The following MAF variants were observed in gnomAD, a reference collection of about 807,000 sequenced individuals.
The protein encoded by MAF is MAF bZIP transcription factor, also known as transcription factor Maf.
A neutral mutation model predicts 22.0 loss-of-function variants in MAF; 10 were observed. That is an observed-to-expected ratio of 0.45 (90% CI 0.28 to 0.77). MAF has a LOEUF of 0.77. Ranked by LOEUF, MAF falls within the 30% of genes least tolerant of loss-of-function variation. MAF has a pLI of 0.12. For missense variants in MAF, 544 were observed against 548.4 expected, an observed-to-expected ratio of 0.99 and a Z score of 0.08; for synonymous variants, 337 against 255.8, an observed-to-expected ratio of 1.32 and a Z score of -3.03.
the MAF span, among the ~76,000 whole-genome samples, chr16:79,328,455 G>C: frequency 6.6e-6 from 1 of 152,156 alleles, no homozygotes; most frequent in Non-Finnish European, 1.5e-5. Flanking sequence ...GGAAACAATG[G>C]AAGTCACAGG....
At chr16:79,247,697 C>T in the MAF span, among the ~76,000 whole-genome samples, 1 of 152,160 alleles carries the variant, frequency 6.6e-6, no homozygotes, top group Non-Finnish European at 1.5e-5. Context: ...ACAAAGGCAT[C>T]TTCCTGGAAG....
chr16:79,478,061 T>C, the MAF span, among the ~76,000 whole-genome samples: 16 of 152,158 alleles, frequency 1.1e-4, no homozygotes, highest in African/African-American at 3.9e-4. Flanking sequence ...GAGCTGGGTA[T>C]GATTAACTCT....
At chr16:79,307,501 G>T in the MAF span, among the ~76,000 whole-genome samples, 2 of 152,192 alleles carry the variant, frequency 1.3e-5, no homozygotes, top group Admixed American at 1.3e-4. Flanking sequence ...TTGGAAACCA[G>T]AATTGAGGAA....
At chr16:79,264,769 C>T in the MAF span, among the ~76,000 whole-genome samples, 1 of 152,142 alleles carries the variant, frequency 6.6e-6, no homozygotes, top group Non-Finnish European at 1.5e-5. Flanking sequence ...ACTCAGCAGC[C>T]CACCTCACCC....
the MAF span, among the ~76,000 whole-genome samples, chr16:79,394,618 T>C: frequency 3.9e-3 from 601 of 152,298 alleles, 4 homozygotes; most frequent in African/African-American, 0.013. Flanking sequence ...CAGTACTTCC[T>C]TCATAAGGGG....
chr16:79,343,065 G>C, the MAF span, among the ~76,000 whole-genome samples: 2 of 152,190 alleles, frequency 1.3e-5, no homozygotes, highest in East Asian at 3.9e-4. Context: ...GCTGGAGACT[G>C]TGTTGGAGGC....
chr16:79,287,909 C>G, the MAF span, among the ~76,000 whole-genome samples: 1 of 152,182 alleles, frequency 6.6e-6, no homozygotes, highest in Non-Finnish European at 1.5e-5. Flanking sequence ...TTTAATAAAG[C>G]TAGCTAACCC....
the MAF span, among the ~76,000 whole-genome samples, chr16:79,248,477 G>A: frequency 0.13 from 19,058 of 152,088 alleles, 1,455 homozygotes; most frequent in Middle Eastern, 0.18. Context: ...TCCTTTCATA[G>A]TCAGAGACTT....
chr16:79,270,589 C>T, the MAF span, among the ~76,000 whole-genome samples: 1 of 152,198 alleles, frequency 6.6e-6, no homozygotes, highest in Non-Finnish European at 1.5e-5. Flanking sequence ...TTAGGTAGGG[C>T]TGGCTTGTTT....
the MAF span, among the ~76,000 whole-genome samples, chr16:79,471,029 A>G: frequency 2.6e-5 from 4 of 152,168 alleles, no homozygotes; most frequent in African/African-American, 7.2e-5. Flanking sequence ...CTCCCACCCT[A>G]GTCTTCACCA....
the MAF span, among the ~76,000 whole-genome samples, chr16:79,322,458 A>C: frequency 6.0e-4 from 91 of 152,270 alleles, no homozygotes; most frequent in African/African-American, 2.2e-3. Context: ...TTTGCTGCGT[A>C]AAAAGGCAAT....
the MAF span, among the ~76,000 whole-genome samples, chr16:79,308,294 A>C: frequency 6.6e-6 from 1 of 152,234 alleles, no homozygotes; most frequent in Non-Finnish European, 1.5e-5. Context: ...TGGTTAAGTG[A>C]GGAACCAGAC....
At chr16:79,291,353 G>T in the MAF span, among the ~76,000 whole-genome samples, 27 of 152,196 alleles carry the variant, frequency 1.8e-4, 1 homozygote, top group Middle Eastern at 6.8e-3. Flanking sequence ...TCTCCTTCAG[G>T]TGTCATGTCA....
At chr16:79,557,349 T>G in the MAF span, among the ~76,000 whole-genome samples, 1 of 152,004 alleles carries the variant, frequency 6.6e-6, no homozygotes, top group African/African-American at 2.4e-5. Context: ...AGCTTCTCTT[T>G]GCCAATGATC....
At chr16:79,307,745 C>T in the MAF span, among the ~76,000 whole-genome samples, 59 of 152,274 alleles carry the variant, frequency 3.9e-4, no homozygotes, top group Admixed American at 1.0e-3. Context: ...GGAATGAAGC[C>T]TTCAAGTAGA....
At chr16:79,319,415 T>C in the MAF span, among the ~76,000 whole-genome samples, 23,266 of 152,228 alleles carry the variant, frequency 0.15, 2,615 homozygotes, top group African/African-American at 0.31. Context: ...TGCTTCTTTA[T>C]AAAGCAGAAG....
At chr16:79,344,883 G>A in the MAF span, among the ~76,000 whole-genome samples, 2 of 152,092 alleles carry the variant, frequency 1.3e-5, no homozygotes, top group African/African-American at 2.4e-5. Flanking sequence ...ATTTAGAGAG[G>A]CAAATCCTCA....
chr16:79,397,430 A>G, the MAF span, among the ~76,000 whole-genome samples: 18 of 152,202 alleles, frequency 1.2e-4, no homozygotes, highest in Admixed American at 1.2e-3. Flanking sequence ...ATATTTGAAT[A>G]TTTCTACTGC....
the MAF span, among the ~76,000 whole-genome samples, chr16:79,515,581 T>C: frequency 6.6e-6 from 1 of 152,226 alleles, no homozygotes; most frequent in Non-Finnish European, 1.5e-5. Context: ...ATTAAATGCA[T>C]TTTTGACTGA....
Sources: allele counts gnomAD v4.1 joint callset (sites outside exome capture counted in the v4.1 genomes callset), GRCh38; gene constraint gnomAD v4.1.1; transcripts MANE v1.5; gene names NCBI Gene and HGNC (gene_info 2026-07-23, HGNC 2026-07-21).